The following DGKG variants were observed in gnomAD, a reference collection of about 807,000 sequenced individuals.
DGKG encodes the protein diacylglycerol kinase gamma, also known as DAG kinase gamma.
A neutral mutation model predicts 105.3 loss-of-function variants in DGKG; 78 were observed. The ratio of observed to expected loss-of-function variants is 0.74; its 90% CI spans 0.62 to 0.89. The LOEUF is 0.89. Among genes scored for constraint, DGKG ranks in the 40% least tolerant of loss-of-function variants. The probability of loss-of-function intolerance (pLI) is 0.00; values close to 1 mark genes in which losing one functional copy is unlikely to be tolerated. For synonymous variants in DGKG, 346 were observed against 367.1 expected (o/e 0.94, Z 0.66); for missense variants, 958 against 1,020.1 (o/e 0.94, Z 0.83).
rs577379030 is a variant in DGKG at position 186,235,076 on chromosome 3, C to G, written c.1826+7428G>C. On this transcript the variant is annotated intron_variant, in intron 20 of 24. Transcript: ENST00000265022. ...GAACCCATATTTCATTCATTTTACT[C>G]TCTGCATCTCTCCCAAAGAGAGGTG... Among the ~76,000 whole-genome samples, 22 of 152,286 alleles carry G rather than the reference C, an allele frequency of 1.4e-4. No individual in the cohort carries two copies. In the East Asian group the frequency reaches 2.7e-3, roughly 19 times the overall value.
rs1213016265 is a variant in DGKG at position 186,279,923 on chromosome 3, C to A, written c.720G>T (p.Val240=). 1.2e-6 allele frequency: 2 copies of A among 1,614,216 alleles called. No individual in the cohort carries two copies. The highest frequency in any genetic ancestry group is 1.7e-6 in the Non-Finnish European group (2 of 1,180,022). The change falls in exon 9 of 25, where the codon GTG becomes GTT. Residue 240 remains valine (V), a synonymous_variant. Coordinates refer to ENST00000265022, the MANE Select transcript of DGKG (RefSeq NM_001346.3). ...QGMDYDRDGF[V]SLQEWVHGGM... ...CTCCATGGACCCATTCCTGTAGAGACACAAAGCCGTCCCGGTCGTAGTCCA... is the reference window on the plus strand; with the variant it reads ...CTCCATGGACCCATTCCTGTAGAGAAACAAAGCCGTCCCGGTCGTAGTCCA...
In DGKG at chr3:186,165,133, C is replaced by A. The variant is rs150328846; in HGVS notation, c.2096-115G>T. On this transcript the variant is annotated intron_variant, in intron 22 of 24. Coordinates refer to ENST00000265022, the MANE Select transcript of DGKG (RefSeq NM_001346.3). ...ATGTCTGTATCCCTTCATCTCCCAC[C>A]AAACACCTTTTTCATATTCACTCTG... 5,425 of 1,123,904 alleles carry A rather than the reference C, an allele frequency of 4.8e-3. 26 individuals carry two copies. Among genetic ancestry groups the A allele is most frequent in the Middle Eastern group, 0.013 (59 of 4,374 alleles). The allele number at this position is 1,123,904 out of a possible 1,614,324, so 69.6% of individuals were successfully genotyped here. A position where few individuals can be genotyped will look rare whatever the true frequency, so the allele number is the denominator to read the frequency against.
chr3:186,332,118 C>T (rs956996861), intron 1 of DGKG, among the ~76,000 whole-genome samples: 3 of 152,186 alleles, frequency 2.0e-5, no homozygotes, highest in African/African-American at 7.2e-5. Flanking sequence ...GGAGATGCCA[C>T]GCCCTGGTCC....
At chr3:186,155,247 C>T (rs1715978818) in intron 24 of DGKG, among the ~76,000 whole-genome samples, 1 of 152,178 alleles carries the variant, frequency 6.6e-6, no homozygotes, top group Non-Finnish European at 1.5e-5. Context: ...GGCTGGAGTG[C>T]AACGGCGTGA....
rs2108599280 is a variant in DGKG, at chr3:186,284,776, G to A, written c.545-67C>T. ...AAGCGCGGATGGCTGAAGTTTTGATGCTGCCAGGTTTTTAGATTAGTTCTG... is the reference window on the plus strand; with the variant it reads ...AAGCGCGGATGGCTGAAGTTTTGATACTGCCAGGTTTTTAGATTAGTTCTG... On this transcript the variant is annotated intron_variant, in intron 6 of 24. Coordinates refer to ENST00000265022, the MANE Select transcript of DGKG (RefSeq NM_001346.3). This position sits in a 1 kb window ranked among gnomAD's most constrained non-coding sequence, Gnocchi z 4.0. The A allele has an allele frequency of 7.4e-7, 1 of 1,345,650 alleles. No homozygotes were observed. The highest frequency in any genetic ancestry group is 1.1e-6 in the Non-Finnish European group (1 of 937,548). 83.4% of individuals were successfully genotyped at this position (1,345,650 alleles called of 1,614,324 possible).
intron 4 of DGKG, 126 bp downstream of exon 4, chr3:186,297,938 T>G: frequency 1.8e-6 from 2 of 1,093,662 alleles, no homozygotes; most frequent in Non-Finnish European, 2.6e-6. Context: ...CCCTGTCCCT[T>G]GGTTCATGTT....
In DGKG at chr3:186,352,147, C is replaced by G. The variant is rs57568076; in HGVS notation, c.-249+9799G>C. Among the ~76,000 whole-genome samples, 397 of 152,200 alleles carry G rather than the reference C, an allele frequency of 2.6e-3. 2 individuals are homozygous for G. The highest frequency in any genetic ancestry group is 0.014 in the Middle Eastern group (4 of 294). ...AGAACCACTAGCTTAGAGAGAAAGA[C>G]CATGCTTACAAATTTGTGAGCTCTA... On this transcript the variant is annotated intron_variant, in intron 1 of 24. Coordinates refer to ENST00000265022, the MANE Select transcript of DGKG (RefSeq NM_001346.3).
At chr3:186,288,594 G>T in intron 6 of DGKG, 116 bp downstream of exon 6, 3 of 1,098,718 alleles carry the variant, frequency 2.7e-6, no homozygotes, top group Non-Finnish European at 4.0e-6. Context: ...CCCCAAAGAG[G>T]CGGGACGCAT....
At chr3:186,156,224 G>A (rs1716029350) in intron 24 of DGKG, among the ~76,000 whole-genome samples, 1 of 151,966 alleles carries the variant, frequency 6.6e-6, no homozygotes, top group Admixed American at 6.6e-5. Context: ...TTTTCTGGTA[G>A]CTAAGAACAT....
At chr3:186,251,170 A>G (rs1721207541) in intron 19 of DGKG, among the ~76,000 whole-genome samples, 1 of 152,194 alleles carries the variant, frequency 6.6e-6, no homozygotes. Flanking sequence ...AGTGTGCATG[A>G]ATGGGGTGAG....
At chr3:186,303,925 C>G (rs368338708) in intron 3 of DGKG, among the ~76,000 whole-genome samples, 1 of 152,302 alleles carries the variant, frequency 6.6e-6, no homozygotes, top group African/African-American at 2.4e-5. Context: ...GAAATTAAAC[C>G]CTTCTTATTT....
intron 22 of DGKG, among the ~76,000 whole-genome samples, chr3:186,185,210 A>T (rs1212469752): frequency 6.6e-6 from 1 of 152,206 alleles, no homozygotes; most frequent in Admixed American, 6.5e-5. Flanking sequence ...CTCAACTTAC[A>T]TGAGATCATA....
At chr3:186,280,123 T>C (rs965855799) in intron 8 of DGKG, 150 bp from the exon 9 acceptor site, 2 of 1,037,490 alleles carry the variant, frequency 1.9e-6, no homozygotes, top group African/African-American at 3.2e-5. Context: ...AGACTGGGAG[T>C]GAGGAGGCCA....
In DGKG at chr3:186,275,657, T is replaced by C. The variant is rs1215703126; in HGVS notation, c.800A>G (p.Lys267Arg). The C allele has an allele frequency of 2.5e-6, 4 of 1,613,548 alleles. No individual in the cohort carries two copies. The highest frequency in any genetic ancestry group is 1.7e-5 in the Admixed American group (1 of 59,992). ...GGTCCAGGCGTGCCGCCCATCCCCC[T>C]TGGAGCCCTGCAGGGGTAATAGGAG... is the stretch of plus-strand genomic sequence containing the variant. ...VLLGMDDSGSKGDGRHAWTMK... is the reference protein window; with the variant it reads ...VLLGMDDSGSRGDGRHAWTMK... The change falls in exon 10 of 25, where the codon AAG (lysine) becomes AGG (arginine). Residue 267 changes from lysine (K) to arginine (R), a missense_variant. Physicochemically the swap from Lys to Arg is conservative, Grantham distance 26. Coordinates refer to ENST00000265022, the MANE Select transcript of DGKG (RefSeq NM_001346.3).
chr3:186,159,119 C>T (rs1716169654), intron 24 of DGKG: 2 of 152,470 alleles, frequency 1.3e-5, no homozygotes, highest in East Asian at 1.9e-4. Flanking sequence ...TTTAACTCAT[C>T]TATTTTTCTT....
chr3:186,317,187 A>G (rs1210767778), intron 2 of DGKG, among the ~76,000 whole-genome samples: 2 of 152,142 alleles, frequency 1.3e-5, no homozygotes, highest in Admixed American at 6.5e-5. Flanking sequence ...TGCGCCCTCC[A>G]TGCTGCACTC....
At chr3:186,357,723 T>G (rs1487790403) in intron 1 of DGKG, among the ~76,000 whole-genome samples, 1 of 152,208 alleles carries the variant, frequency 6.6e-6, no homozygotes, top group Non-Finnish European at 1.5e-5. Context: ...CCTCATCTCT[T>G]CGGGGCTAGG....
intron 20 of DGKG, among the ~76,000 whole-genome samples, chr3:186,222,215 TA>T (rs1489565305): frequency 6.6e-6 from 1 of 152,332 alleles, no homozygotes; most frequent in East Asian, 1.9e-4. Flanking sequence ...TAGGTCGGGT[TA>T]CAAAAGTTCC....
At chr3:186,267,653 G>A in intron 13 of DGKG, 32 bp downstream of exon 13, 1 of 1,574,722 alleles carries the variant, frequency 6.4e-7, no homozygotes, top group Middle Eastern at 1.7e-4. Context: ...ACCCGGAGAA[G>A]CTACAGCCCT....
Sources: gnomAD v4.1 joint callset for allele counts (sites outside exome capture counted in the v4.1 genomes callset) on GRCh38, gnomAD v4.1.1 for gene constraint, Gnocchi (gnomAD v3.1) non-coding constraint, MANE v1.5 for transcripts, NCBI Gene and HGNC (gene_info 2026-07-23, HGNC 2026-07-21) for gene names.